The following CRY1 variants were observed in gnomAD, a reference collection of about 807,000 sequenced individuals.
CRY1 encodes the protein cryptochrome-1.
In CRY1, 45 loss-of-function variants were observed where a neutral mutation model predicts 76.0. That is an observed-to-expected ratio of 0.59 (90% CI 0.47 to 0.76). The LOEUF (loss-of-function observed/expected upper bound fraction) is 0.76, where lower values mean the gene tolerates loss of function less well. CRY1 is among the 30% of genes least tolerant of loss of function. The probability of loss-of-function intolerance (pLI) is 0.00; values close to 1 mark genes in which losing one functional copy is unlikely to be tolerated. For missense variants in CRY1, 587 were observed against 716.4 expected (o/e 0.82, Z 2.06); for synonymous variants, 248 against 244.0 (o/e 1.02, Z -0.15).
At chr12:107,043,094 ACT>A (rs1482602398) in intron 1 of CRY1, 1 of 151,784 alleles carries the variant, frequency 6.6e-6, no homozygotes, top group Non-Finnish European at 1.5e-5. Context: ...AGTAGCCGTG[ACT>A]CTCCTTCATC....
At chr12:107,076,812 T>C (rs1232868071) in intron 1 of CRY1, among the ~76,000 whole-genome samples, 1 of 152,110 alleles carries the variant, frequency 6.6e-6, no homozygotes, top group East Asian at 1.9e-4. Flanking sequence ...GCATCATCCC[T>C]TTTGGTACAT....
intron 1 of CRY1, among the ~76,000 whole-genome samples, chr12:107,077,170 C>A (rs141935315): frequency 6.6e-6 from 1 of 152,058 alleles, no homozygotes; most frequent in Non-Finnish European, 1.5e-5. Flanking sequence ...CAAACACACA[C>A]ACACACACCT....
Position 107,092,960 on chromosome 12 carries a change from ATGCCGGGG to A in CRY1, c.-7_1del. ...GAACCAGTGCACGGCGTTCACCCCC[ATGCCGGGG>A]GGCGCGGCGGGTCCTCCACGGAGAA... On this transcript the variant is annotated start_lost and 5_prime_UTR_variant, in exon 1 of 13. Transcript: ENST00000008527. 6.5e-7 allele frequency: 1 copy of A among 1,543,560 alleles called. No individual in the cohort carries two copies.
intron 1 of CRY1, among the ~76,000 whole-genome samples, chr12:107,027,827 A>G (rs1476467796): frequency 1.3e-5 from 2 of 152,196 alleles, no homozygotes; most frequent in South Asian, 2.1e-4. Context: ...ACAGCTTTAT[A>G]TAACTAGAAT....
intron 1 of CRY1, among the ~76,000 whole-genome samples, chr12:107,046,495 A>G (rs1343417550): frequency 6.6e-6 from 1 of 152,172 alleles, no homozygotes; most frequent in Non-Finnish European, 1.5e-5. Context: ...AGAATACACA[A>G]AACAACTAAC....
chr12:107,007,384 T>C (rs1952386918), intron 2 of CRY1, among the ~76,000 whole-genome samples: 1 of 152,182 alleles, frequency 6.6e-6, no homozygotes. Flanking sequence ...TAATAAACCC[T>C]ATGTAAGTAT....
intron 2 of CRY1, among the ~76,000 whole-genome samples, chr12:107,021,283 C>CA (rs1414673658): frequency 6.6e-6 from 1 of 150,840 alleles, no homozygotes; most frequent in Non-Finnish European, 1.5e-5. Flanking sequence ...GACTCCATCT[C>CA]AAAAAAAGAA....
Position 106,991,563 on chromosome 12 carries a change from T to C in CRY1, c.*439A>G, listed in dbSNP as rs1240698306. ...TTACGCACATTATCTAAAACATTAT[T>C]ATCAAAGAGTGCAAAGTTAGATCAA... is the stretch of plus-strand genomic sequence containing the variant. On this transcript the variant is annotated 3_prime_UTR_variant, in exon 13 of 13. Coordinates refer to ENST00000008527, the MANE Select transcript of CRY1 (RefSeq NM_004075.5). 2.6e-5 allele frequency: 4 copies of C among 152,632 alleles called. No individual in the cohort carries two copies. The highest frequency in any genetic ancestry group is 5.9e-5 in the Non-Finnish European group (4 of 68,012). 9.5% of individuals were successfully genotyped at this position (152,632 alleles called of 1,614,324 possible).
intron 2 of CRY1, among the ~76,000 whole-genome samples, chr12:107,006,438 T>C (rs2136827578): frequency 6.6e-6 from 1 of 152,224 alleles, no homozygotes; most frequent in South Asian, 2.1e-4. Context: ...GCACACATCT[T>C]ACAAATTATA....
intron 1 of CRY1, among the ~76,000 whole-genome samples, chr12:107,069,637 TATATAA>T (rs1374628065): frequency 2.9e-5 from 4 of 137,064 alleles, no homozygotes; most frequent in African/African-American, 1.1e-4. Context: ...ATAAAGTATA[TATATAA>T]AAAGTATATA....
intron 2 of CRY1, among the ~76,000 whole-genome samples, chr12:107,016,525 T>C (rs1952499890): frequency 6.6e-6 from 1 of 152,170 alleles, no homozygotes; most frequent in Non-Finnish European, 1.5e-5. Context: ...CATAAAAATG[T>C]AAAGCTACCT....
In CRY1 at chr12:106,999,649, G is replaced by T. The variant is rs1299866641; in HGVS notation, c.1039C>A (p.Leu347Ile). ...TGATGAATCCAACCCTCCTGACGAA[G>T]CTGTGTCATGATGGCATCAATCCAT... ...FPWIDAIMTQ[L>I]RQEGWIHHLA... The change falls in exon 7 of 13, where the codon CTT (leucine) becomes ATT (isoleucine). Residue 347 changes from leucine to isoleucine, a missense_variant. By Grantham distance (5) the Leu-to-Ile change is conservative (BLOSUM62 2). Coordinates refer to ENST00000008527, the MANE Select transcript of CRY1 (RefSeq NM_004075.5). 1.2e-6 allele frequency: 2 copies of T among 1,614,242 alleles called. No individual in the cohort carries two copies. The highest frequency in any genetic ancestry group is 4.5e-5 in the East Asian group (2 of 44,878).
chr12:106,993,757 G>A lies in CRY1; in HGVS notation c.1586-721C>T, dbSNP rs572518276. Among the ~76,000 whole-genome samples, 6 of 152,094 alleles carry A rather than the reference G, an allele frequency of 3.9e-5. No individual in the cohort carries two copies. In the East Asian group the frequency reaches 9.7e-4, roughly 25 times the overall value. On this transcript the variant is annotated intron_variant, in intron 10 of 12. Transcript: ENST00000008527. Reference sequence around the variant, plus strand: ...TCAGTGGCAGTTGCTCACCCTAAGTGAGTATGAAGTACTATCCCATAGTTG... The same window carrying A: ...TCAGTGGCAGTTGCTCACCCTAAGTAAGTATGAAGTACTATCCCATAGTTG...
intron 1 of CRY1, among the ~76,000 whole-genome samples, chr12:107,041,311 A>G (rs866013271): frequency 4.6e-5 from 7 of 152,234 alleles, no homozygotes; most frequent in African/African-American, 1.7e-4. Context: ...GATGTCCCCA[A>G]TGTTAAAGCA....
chr12:107,053,085 T>C (rs1240009809), intron 1 of CRY1, among the ~76,000 whole-genome samples: 2 of 151,978 alleles, frequency 1.3e-5, no homozygotes. Context: ...TCAACATGTT[T>C]AAAGTAAAAA....
At chr12:107,062,773 C>T (rs978685209) in intron 1 of CRY1, among the ~76,000 whole-genome samples, 3 of 152,262 alleles carry the variant, frequency 2.0e-5, no homozygotes, top group Non-Finnish European at 4.4e-5. Flanking sequence ...TTATCCATAA[C>T]GTCATACGAT....
chr12:106,993,541 C>T (rs1050018064), intron 10 of CRY1, among the ~76,000 whole-genome samples: 6 of 151,784 alleles, frequency 4.0e-5, no homozygotes, highest in African/African-American at 1.5e-4. Context: ...AAAACAAACA[C>T]TATTATAGGA....
rs551119208 is a variant in CRY1, at chr12:107,052,391, T to C, written c.159-30199A>G. Among the ~76,000 whole-genome samples the C allele has an allele frequency of 2.6e-4, 40 of 152,308 alleles. 1 individual carries two copies. The highest frequency in any genetic ancestry group is 3.4e-3 in the Middle Eastern group (1 of 294). ...TCAACAAATATTTATTGAGAACTTATGTACTAAAGACTGTACTAGATATTA... is the reference window on the plus strand; with the variant it reads ...TCAACAAATATTTATTGAGAACTTACGTACTAAAGACTGTACTAGATATTA... On this transcript the variant is annotated intron_variant, in intron 1 of 12. Transcript: ENST00000008527.
intron 1 of CRY1, among the ~76,000 whole-genome samples, chr12:107,065,980 T>C (rs1953105204): frequency 6.6e-6 from 1 of 152,242 alleles, no homozygotes; most frequent in Admixed American, 6.5e-5. Context: ...CCTGCTGTGG[T>C]TGACAAGCAC....
Sources: gnomAD v4.1 joint callset for allele counts (sites outside exome capture counted in the v4.1 genomes callset) on GRCh38, gnomAD v4.1.1 for gene constraint, MANE v1.5 for transcripts, NCBI Gene and HGNC (gene_info 2026-07-23, HGNC 2026-07-21) for gene names.